Variants in IMMP2L observed in about 807,000 individuals in gnomAD.
IMMP2L encodes the protein mitochondrial inner membrane protease subunit 2.
A neutral mutation model predicts 19.3 loss-of-function variants in IMMP2L; 18 were observed. The ratio of observed to expected loss-of-function variants is 0.93; its 90% CI spans 0.64 to 1.38. The LOEUF is 1.38. Among genes scored for constraint, IMMP2L ranks in the 40% most tolerant of loss-of-function variants. The pLI, the probability that IMMP2L is intolerant of heterozygous loss-of-function variation, is 0.00. For synonymous variants in IMMP2L, 76 were observed against 73.0 expected (o/e 1.04, Z -0.21); for missense variants, 233 against 218.2 (o/e 1.07, Z -0.43).
intron 4 of IMMP2L, among the ~76,000 whole-genome samples, chr7:110,955,857 G>T (rs1298195600): frequency 7.0e-6 from 1 of 143,384 alleles, no homozygotes; most frequent in Admixed American, 6.7e-5. Flanking sequence ...ATAAATGAAT[G>T]CATGATCTTC....
intron 5 of IMMP2L, among the ~76,000 whole-genome samples, chr7:110,856,199 G>T (rs1020594358): frequency 6.6e-6 from 1 of 151,890 alleles, no homozygotes; most frequent in Non-Finnish European, 1.5e-5. Context: ...GACACTCATC[G>T]TCAAGTCTGG....
chr7:110,816,371 G>A (rs1216874032), intron 5 of IMMP2L, among the ~76,000 whole-genome samples: 2 of 152,048 alleles, frequency 1.3e-5, no homozygotes, highest in African/African-American at 2.4e-5. Flanking sequence ...TTGCTGAGGA[G>A]AGCTTTACTT....
At chr7:111,414,236 C>T (rs1362360058) in intron 3 of IMMP2L, among the ~76,000 whole-genome samples, 3 of 151,752 alleles carry the variant, frequency 2.0e-5, no homozygotes, top group African/African-American at 7.3e-5. Context: ...TTCAATGTCA[C>T]CTCTGCAGGC....
chr7:111,016,739 A>T (rs1295181183), intron 3 of IMMP2L, among the ~76,000 whole-genome samples: 2 of 97,586 alleles, frequency 2.0e-5, no homozygotes, highest in Non-Finnish European at 1.8e-5. Flanking sequence ...AAATATATAT[A>T]TTATATATAT....
chr7:111,419,111 C>G (rs1476994921), intron 3 of IMMP2L, among the ~76,000 whole-genome samples: 1 of 151,694 alleles, frequency 6.6e-6, no homozygotes, highest in Admixed American at 6.6e-5. Context: ...AAATAAATTG[C>G]ATTTATATAA....
intron 3 of IMMP2L, among the ~76,000 whole-genome samples, chr7:111,325,430 AT>A (rs1474212377): frequency 4.0e-5 from 6 of 151,714 alleles, no homozygotes; most frequent in African/African-American, 4.8e-5. Context: ...TTTTAATTCC[AT>A]TTTTTCCACT....
chr7:111,277,479 T>G (rs1819203730), intron 3 of IMMP2L, among the ~76,000 whole-genome samples: 1 of 151,236 alleles, frequency 6.6e-6, no homozygotes, highest in South Asian at 2.1e-4. Context: ...GCACAAGAAC[T>G]GTTTGAACCC....
At chr7:110,716,481 T>C (rs1795243895) in intron 5 of IMMP2L, among the ~76,000 whole-genome samples, 1 of 152,206 alleles carries the variant, frequency 6.6e-6, no homozygotes, top group African/African-American at 2.4e-5. Context: ...GGGTCTCTTG[T>C]AAGACTTGGT....
chr7:111,140,793 G>T (rs1303794184), intron 3 of IMMP2L, among the ~76,000 whole-genome samples: 2 of 152,008 alleles, frequency 1.3e-5, no homozygotes, highest in Non-Finnish European at 1.5e-5. Context: ...AAGACTGTTC[G>T]GCCATTTAAG....
intron 3 of IMMP2L, among the ~76,000 whole-genome samples, chr7:111,249,182 G>A (rs1815745708): frequency 1.4e-5 from 1 of 73,578 alleles, no homozygotes; most frequent in Non-Finnish European, 2.6e-5. Context: ...GATTCCGTGG[G>A]CGTAGGACCC....
chr7:110,872,192 G>C (rs922809178), intron 5 of IMMP2L, among the ~76,000 whole-genome samples: 45 of 152,066 alleles, frequency 3.0e-4, no homozygotes, highest in African/African-American at 1.0e-3. Context: ...GAATATATCG[G>C]ATATCTAGCC....
intron 3 of IMMP2L, among the ~76,000 whole-genome samples, chr7:111,111,040 C>G (rs10230877): frequency 0.027 from 4,076 of 152,130 alleles, 179 homozygotes; most frequent in African/African-American, 0.093. Context: ...AAACATAATC[C>G]TAAATTATCT....
At chr7:111,287,636 G>C (rs1017108640) in intron 3 of IMMP2L, among the ~76,000 whole-genome samples, 6 of 152,036 alleles carry the variant, frequency 3.9e-5, no homozygotes, top group Admixed American at 1.3e-4. Context: ...ACGTCGGCTT[G>C]CTAGTTTTGT....
chr7:111,239,633 T>C (rs1229093025), intron 3 of IMMP2L, among the ~76,000 whole-genome samples: 1 of 151,964 alleles, frequency 6.6e-6, no homozygotes, highest in Non-Finnish European at 1.5e-5. Context: ...GTAATCTCTT[T>C]ATCTCTGATG....
chr7:110,702,964 T>C (rs543914332), intron 5 of IMMP2L, among the ~76,000 whole-genome samples: 16 of 152,304 alleles, frequency 1.1e-4, no homozygotes, highest in Admixed American at 7.2e-4. Flanking sequence ...TGAGATCAGA[T>C]AGCTTTACCT....
intron 5 of IMMP2L, among the ~76,000 whole-genome samples, chr7:110,669,106 T>C (rs532148656): frequency 4.9e-5 from 7 of 143,560 alleles, no homozygotes; most frequent in Non-Finnish European, 9.1e-5. Flanking sequence ...TATATATATA[T>C]ATAGAGAGAG....
At chr7:111,238,165 A>G (rs1814562294) in intron 3 of IMMP2L, among the ~76,000 whole-genome samples, 1 of 152,050 alleles carries the variant, frequency 6.6e-6, no homozygotes, top group African/African-American at 2.4e-5. Flanking sequence ...GAAACATAAG[A>G]CCAAGTAAGG....
intron 5 of IMMP2L, among the ~76,000 whole-genome samples, chr7:110,795,295 T>C (rs949704850): frequency 6.6e-6 from 1 of 152,084 alleles, no homozygotes; most frequent in African/African-American, 2.4e-5. Context: ...ACTCAGTATT[T>C]GTCACATGAT....
At chr7:111,337,974 G>A (rs928904218) in intron 3 of IMMP2L, among the ~76,000 whole-genome samples, 1 of 152,154 alleles carries the variant, frequency 6.6e-6, no homozygotes, top group Non-Finnish European at 1.5e-5. Context: ...ACATAATCCA[G>A]TTGGAGAGTT....
Sources: allele counts gnomAD v4.1 joint callset (sites outside exome capture counted in the v4.1 genomes callset), GRCh38; gene constraint gnomAD v4.1.1; transcripts MANE v1.5; gene names NCBI Gene and HGNC (gene_info 2026-07-23, HGNC 2026-07-21).